Variants in CACNG2 observed in about 807,000 individuals in gnomAD.
CACNG2 encodes voltage-dependent calcium channel gamma-2 subunit.
Under a neutral mutation model 25.9 loss-of-function variants are expected in CACNG2, and 3 were observed. That is an observed-to-expected ratio of 0.12 (90% CI 0.05 to 0.30). The LOEUF (loss-of-function observed/expected upper bound fraction) is 0.30, where lower values mean the gene tolerates loss of function less well. CACNG2 is among the 10% of genes least tolerant of loss of function. The pLI, the probability that CACNG2 is intolerant of heterozygous loss-of-function variation, is 1.00. For missense variants in CACNG2, 341 were observed against 432.5 expected, an observed-to-expected ratio of 0.79 and a Z score of 1.88; for synonymous variants, 167 against 173.3, an observed-to-expected ratio of 0.96 and a Z score of 0.29.
chr22:36,601,899 AT>A (rs1285523226), intron 1 of CACNG2, among the ~76,000 whole-genome samples: 2 of 151,868 alleles, frequency 1.3e-5, no homozygotes, highest in African/African-American at 2.4e-5. Context: ...ACTCCATACT[AT>A]TTTCCATAAT....
At chr22:36,639,340 G>C (rs1424730051) in intron 1 of CACNG2, among the ~76,000 whole-genome samples, 1 of 152,258 alleles carries the variant, frequency 6.6e-6, no homozygotes, top group Non-Finnish European at 1.5e-5. Context: ...TTCTTCCTAA[G>C]AAGTGGTAGG....
chr22:36,668,611 C>T (rs1343228367), intron 1 of CACNG2, among the ~76,000 whole-genome samples: 1 of 152,048 alleles, frequency 6.6e-6, no homozygotes, highest in Non-Finnish European at 1.5e-5. Flanking sequence ...GCCTCAGCCT[C>T]CAGAGTAGCT....
chr22:36,694,059 C>T (rs918678197), intron 1 of CACNG2, among the ~76,000 whole-genome samples: 2 of 152,230 alleles, frequency 1.3e-5, no homozygotes, highest in Admixed American at 6.5e-5. Flanking sequence ...GCTGGTAAGG[C>T]CACATTCTGC....
intron 1 of CACNG2, among the ~76,000 whole-genome samples, chr22:36,666,372 C>A (rs1040588338): frequency 6.6e-6 from 1 of 152,036 alleles, no homozygotes; most frequent in Non-Finnish European, 1.5e-5. Flanking sequence ...CATGCCACTG[C>A]ACTCCAGCCT....
At chr22:36,593,679 C>T (rs1393993823) in intron 1 of CACNG2, among the ~76,000 whole-genome samples, 2 of 152,082 alleles carry the variant, frequency 1.3e-5, no homozygotes, top group African/African-American at 2.4e-5. Flanking sequence ...GATCAGAGGA[C>T]ACACAGCCCT....
intron 1 of CACNG2, among the ~76,000 whole-genome samples, chr22:36,634,679 C>G (rs1249225519): frequency 2.0e-5 from 3 of 152,160 alleles, no homozygotes; most frequent in Admixed American, 2.0e-4. Context: ...TATCCTCTTG[C>G]TTAGTTAGTT....
At chr22:36,667,585 A>G (rs1936892053) in intron 1 of CACNG2, among the ~76,000 whole-genome samples, 1 of 152,202 alleles carries the variant, frequency 6.6e-6, no homozygotes, top group African/African-American at 2.4e-5. Flanking sequence ...TATTATTACA[A>G]AGTAAGCATA....
intron 1 of CACNG2, among the ~76,000 whole-genome samples, chr22:36,620,279 G>C (rs1341622536): frequency 6.6e-6 from 1 of 152,218 alleles, no homozygotes; most frequent in African/African-American, 2.4e-5. Flanking sequence ...GTGGCTCAGA[G>C]AGGCATTCCT....
intron 1 of CACNG2, among the ~76,000 whole-genome samples, chr22:36,674,473 C>T (rs1362265749): frequency 2.0e-5 from 3 of 152,258 alleles, no homozygotes; most frequent in Middle Eastern, 3.4e-3. Context: ...GGATTACAGA[C>T]GTGCACCACC....
chr22:36,683,148 T>A (rs1733729169), intron 1 of CACNG2, among the ~76,000 whole-genome samples: 1 of 152,218 alleles, frequency 6.6e-6, no homozygotes, highest in Non-Finnish European at 1.5e-5. Flanking sequence ...ATAGACAAGA[T>A]ATTCTGTGAT....
chr22:36,565,483 C>CT lies in CACNG2; in HGVS notation c.437-598dup, dbSNP rs879526769. On this transcript the variant is annotated intron_variant, in intron 3 of 3. Coordinates refer to ENST00000300105, the MANE Select transcript of CACNG2 (RefSeq NM_006078.5). ...GAGTACTCTTAGATGTTGGTGGTTC[C>CT]TTTTTTTTTTTTTAAGATACAGTCT... is the stretch of plus-strand genomic sequence containing the variant. Among the ~76,000 whole-genome samples, 144 of 141,834 alleles carry CT rather than the reference C, an allele frequency of 1.0e-3. 1 individual carries two copies. Among genetic ancestry groups the CT allele is most frequent in the Admixed American group, 5.0e-3 (71 of 14,194 alleles). The allele number at this position is 141,834 out of a possible 152,430, so 93.0% of individuals were successfully genotyped here.
intron 1 of CACNG2, among the ~76,000 whole-genome samples, chr22:36,621,289 C>T (rs1936099880): frequency 6.6e-6 from 1 of 152,170 alleles, no homozygotes; most frequent in Admixed American, 6.5e-5. Context: ...GGGCGAATCA[C>T]CTGAGGTCAG....
intron 1 of CACNG2, among the ~76,000 whole-genome samples, chr22:36,687,509 AG>A (rs1211482274): frequency 1.4e-4 from 22 of 152,188 alleles, no homozygotes; most frequent in African/African-American, 5.3e-4. Flanking sequence ...AGCCTTTTCC[AG>A]GTGTGCTGTT....
At position 36,635,220 on chromosome 22, in the gene CACNG2, C is replaced by A. The variant is rs182645427; in HGVS notation, c.212-47672G>T. On this transcript the variant is annotated intron_variant, in intron 1 of 3. Transcript: ENST00000300105. Reference sequence around the variant, plus strand: ...AATGGTGTGAACCCGGGAGGCGGAGCTTGCAGTGAGCTGAGATTGCGCCAC... The same window carrying A: ...AATGGTGTGAACCCGGGAGGCGGAGATTGCAGTGAGCTGAGATTGCGCCAC... Among the ~76,000 whole-genome samples the A allele has an allele frequency of 7.5e-4, 113 of 150,100 alleles. 1 individual carries two copies. The East Asian group carries it at 0.021, about 28-fold the overall frequency.
At chr22:36,568,322 G>A (rs1340496779) in intron 2 of CACNG2, among the ~76,000 whole-genome samples, 1 of 152,132 alleles carries the variant, frequency 6.6e-6, no homozygotes, top group African/African-American at 2.4e-5. Context: ...TTTTGGGTGG[G>A]AGTGTGTTCA....
intron 1 of CACNG2, among the ~76,000 whole-genome samples, chr22:36,699,706 T>C (rs1937386934): frequency 6.6e-6 from 1 of 151,728 alleles, no homozygotes; most frequent in Non-Finnish European, 1.5e-5. Flanking sequence ...GAAACACAAG[T>C]TGGGGGAACC....
At chr22:36,652,816 G>T (rs1936640455) in intron 1 of CACNG2, among the ~76,000 whole-genome samples, 1 of 152,018 alleles carries the variant, frequency 6.6e-6, no homozygotes, top group African/African-American at 2.4e-5. Context: ...ATTAATTTAG[G>T]CTGGGTCTCC....
rs28713482 is a variant in CACNG2, at chr22:36,681,341, A to G, written c.211+21025T>C. 2.8e-3 allele frequency among the ~76,000 whole-genome samples: 428 copies of G among 152,318 alleles called. 2 individuals are homozygous for G. Among genetic ancestry groups the G allele is most frequent in the African/African-American group, 0.01 (416 of 41,578 alleles). ...TGATAGCATAAGGAAGAGCAACTAC[A>G]TGATTTTTTCTCTTTGTGGGAAAAG... On this transcript the variant is annotated intron_variant, in intron 1 of 3. Transcript: ENST00000300105.
Position 36,618,996 on chromosome 22 carries a change from A to C in CACNG2, c.212-31448T>G, listed in dbSNP as rs191827567. Reference sequence around the variant, plus strand: ...AAAAGCCTTAGAGAACAGGGCAGGAAATTAACTTTTAGGGAGTGCCTACTA... The same window carrying C: ...AAAAGCCTTAGAGAACAGGGCAGGACATTAACTTTTAGGGAGTGCCTACTA... On this transcript the variant is annotated intron_variant, in intron 1 of 3. Coordinates refer to ENST00000300105, the MANE Select transcript of CACNG2 (RefSeq NM_006078.5). 3.4e-4 allele frequency among the ~76,000 whole-genome samples: 52 copies of C among 152,352 alleles called. No homozygotes were observed. In the East Asian group the frequency reaches 9.6e-3, roughly 28 times the overall value.
Sources: gnomAD v4.1 joint callset for allele counts (sites outside exome capture counted in the v4.1 genomes callset) on GRCh38, gnomAD v4.1.1 for gene constraint, MANE v1.5 for transcripts, NCBI Gene and HGNC (gene_info 2026-07-23, HGNC 2026-07-21) for gene names.